STK17A: variants seen among roughly 807,000 people sequenced by gnomAD.
STK17A encodes the protein serine/threonine-protein kinase 17A.
Under a neutral mutation model 43.7 loss-of-function variants are expected in STK17A, and 26 were observed. The ratio of observed to expected loss-of-function variants is 0.60; its 90% CI spans 0.44 to 0.83. The LOEUF (loss-of-function observed/expected upper bound fraction) is 0.83, where lower values mean the gene tolerates loss of function less well. STK17A is among the 40% of genes least tolerant of loss of function. STK17A has a pLI of 0.00. For synonymous variants in STK17A, 191 were observed against 182.5 expected, an observed-to-expected ratio of 1.05 and a Z score of -0.38; for missense variants, 476 against 511.6, an observed-to-expected ratio of 0.93 and a Z score of 0.67.
chr7:43,588,384 T>G (rs1293489097), intron 1 of STK17A, among the ~76,000 whole-genome samples: 1 of 151,596 alleles, frequency 6.6e-6, no homozygotes, highest in African/African-American at 2.4e-5. Context: ...ACACACTTGT[T>G]AGCCAGAATT....
intron 2 of STK17A, among the ~76,000 whole-genome samples, chr7:43,607,799 A>G (rs1438031745): frequency 6.6e-6 from 1 of 152,228 alleles, no homozygotes; most frequent in Non-Finnish European, 1.5e-5. Context: ...TGTGATTAAG[A>G]AACTGTTTCA....
intron 1 of STK17A, among the ~76,000 whole-genome samples, chr7:43,590,244 C>T (rs2082471579): frequency 1.3e-5 from 2 of 151,406 alleles, no homozygotes; most frequent in Admixed American, 6.6e-5. Flanking sequence ...CCGTGCCCAA[C>T]CAGAATTATC....
chr7:43,595,400 C>T (rs2082508522), intron 1 of STK17A, among the ~76,000 whole-genome samples: 1 of 151,814 alleles, frequency 6.6e-6, no homozygotes, highest in Admixed American at 6.6e-5. Context: ...GCCTCAGCCT[C>T]CTGAGTAGCT....
In STK17A at chr7:43,587,705, G is replaced by C. The variant is rs563043457; in HGVS notation, c.206+4256G>C. Among the ~76,000 whole-genome samples, 5 of 151,582 alleles carry C rather than the reference G, an allele frequency of 3.3e-5. No homozygotes were observed. The East Asian group carries it at 9.6e-4, about 29-fold the overall frequency. ...GTAATATCCATGCAGAAATTGCTTT[G>C]TTTTAACACAGATGTTATTTAAGAT... On this transcript the variant is annotated intron_variant, in intron 1 of 6. Transcript: ENST00000319357.
At chr7:43,591,771 T>C (rs1373829510) in intron 1 of STK17A, among the ~76,000 whole-genome samples, 4 of 151,516 alleles carry the variant, frequency 2.6e-5, no homozygotes, top group Non-Finnish European at 5.9e-5. Flanking sequence ...TGAGTCCGTG[T>C]TTAATTTGCC....
chr7:43,588,182 A>G (rs2082456041), intron 1 of STK17A, among the ~76,000 whole-genome samples: 1 of 151,472 alleles, frequency 6.6e-6, no homozygotes, highest in Non-Finnish European at 1.5e-5. Flanking sequence ...ATCATTGGTT[A>G]TATCATAGAT....
chr7:43,583,806 A>G (rs1422411074), intron 1 of STK17A, among the ~76,000 whole-genome samples: 2 of 152,206 alleles, frequency 1.3e-5, no homozygotes, highest in Admixed American at 6.5e-5. Flanking sequence ...TCTGAAAACC[A>G]GAGGTCTGTG....
At chr7:43,606,531 CTT>C (rs1260421334) in intron 2 of STK17A, among the ~76,000 whole-genome samples, 1 of 151,998 alleles carries the variant, frequency 6.6e-6, no homozygotes, top group African/African-American at 2.4e-5. Flanking sequence ...TTGTACAAAA[CTT>C]TTTTTGTTAA....
chr7:43,604,784 C>G (rs1035834840), intron 2 of STK17A, among the ~76,000 whole-genome samples: 3 of 152,156 alleles, frequency 2.0e-5, no homozygotes, highest in African/African-American at 7.2e-5. Context: ...ACCCCTACCT[C>G]TCTTCTCTTA....
chr7:43,623,961 G>T (rs2084208154), intron 6 of STK17A, 73 bp downstream of exon 6: 1 of 1,122,792 alleles, frequency 8.9e-7, no homozygotes, highest in Non-Finnish European at 1.1e-6. Context: ...AAAACTGACA[G>T]TTTTTTCTTG....
At chr7:43,601,619 TTTTTCTTCCC>T (rs971518907) in intron 2 of STK17A, among the ~76,000 whole-genome samples, 2 of 150,490 alleles carry the variant, frequency 1.3e-5, no homozygotes, top group African/African-American at 2.4e-5. Flanking sequence ...GCTTCTGACT[TTTTTCTTCCC>T]TTTTCTTTCC....
At chr7:43,602,305 T>C (rs1749130430) in intron 2 of STK17A, among the ~76,000 whole-genome samples, 2 of 152,300 alleles carry the variant, frequency 1.3e-5, no homozygotes, top group South Asian at 4.1e-4. Context: ...GCTTTGACTC[T>C]TATGTCTTGC....
At chr7:43,600,681 A>G (rs1185849567) in intron 2 of STK17A, among the ~76,000 whole-genome samples, 1 of 152,226 alleles carries the variant, frequency 6.6e-6, no homozygotes, top group Non-Finnish European at 1.5e-5. Context: ...TCTGGAGGAC[A>G]GTCTGAAGTA....
In STK17A at chr7:43,591,584, G is replaced by C. The variant is rs1464051053; in HGVS notation, c.207-4317G>C. Among the ~76,000 whole-genome samples, 12 of 151,556 alleles carry C rather than the reference G, an allele frequency of 7.9e-5. 2 individuals carry two copies. The highest frequency in any genetic ancestry group is 1.8e-4 in the Non-Finnish European group (12 of 67,652). ...GAGGAATGTTTCCAGAAAAACAAAG[G>C]TGGTGTCAGTGTAGTCATTGATATG... On this transcript the variant is annotated intron_variant, in intron 1 of 6. Transcript: ENST00000319357.
chr7:43,597,794 G>A (rs1037042416), intron 2 of STK17A, among the ~76,000 whole-genome samples: 11 of 152,074 alleles, frequency 7.2e-5, no homozygotes, highest in Admixed American at 3.3e-4. Flanking sequence ...TTAGCTGGGA[G>A]TGGTGGTGCA....
intron 6 of STK17A, 128 bp from the exon 7 acceptor site, chr7:43,624,390 G>T: frequency 1.2e-6 from 1 of 864,902 alleles, no homozygotes; most frequent in Non-Finnish European, 1.7e-6. Context: ...TTTTATTCAG[G>T]AATCACAGTA....
In STK17A at chr7:43,623,813, A is replaced by C; in HGVS notation, c.845A>C (p.Tyr282Ser). 6.2e-7 allele frequency: 1 copy of C among 1,604,756 alleles called. No individual in the cohort carries two copies. Among genetic ancestry groups the C allele is most frequent in the Non-Finnish European group, 8.5e-7 (1 of 1,177,256 alleles). Reference protein sequence around the residue: ...FLNISQMNLSYSEEEFDVLSE... With the variant: ...FLNISQMNLSSSEEEFDVLSE... ...AACATCTCACAGATGAATTTAAGTT[A>C]TTCTGAGGAAGAATTTGATGTTTTG... The change falls in exon 6 of 7, where the codon TAT becomes TCT. Residue 282 changes from tyrosine to serine, a missense_variant. Tyr to Ser is a moderately radical substitution (Grantham distance 144, BLOSUM62 -2). Transcript: ENST00000319357.
At chr7:43,598,803 A>T (rs931742852) in intron 2 of STK17A, among the ~76,000 whole-genome samples, 2 of 150,536 alleles carry the variant, frequency 1.3e-5, no homozygotes, top group Admixed American at 1.3e-4. Context: ...TTCCTCTGTG[A>T]CCCAGGCTGG....
At chr7:43,615,388 G>GA (rs1166415281) in intron 3 of STK17A, among the ~76,000 whole-genome samples, 1 of 151,898 alleles carries the variant, frequency 6.6e-6, no homozygotes, top group Non-Finnish European at 1.5e-5. Context: ...TGTTGCCCAG[G>GA]CTGGTCTCGA....
Sources: gnomAD v4.1 joint callset for allele counts (sites outside exome capture counted in the v4.1 genomes callset) on GRCh38, gnomAD v4.1.1 for gene constraint, MANE v1.5 for transcripts, NCBI Gene and HGNC (gene_info 2026-07-23, HGNC 2026-07-21) for gene names.